Variants in CFAP20DC observed in about 807,000 individuals in gnomAD.
CFAP20DC encodes CFAP20 domain containing, also known as protein CFAP20DC.
CFAP20DC carries 84 observed loss-of-function variants against 101.7 expected under a neutral mutation model. The observed-to-expected ratio is 0.83, with a 90% CI of 0.69 to 0.99. CFAP20DC has a LOEUF of 0.99. Among genes scored for constraint, CFAP20DC ranks in the 50% least tolerant of loss-of-function variants. The pLI is 0.00. For synonymous variants in CFAP20DC, 359 were observed against 351.2 expected (o/e 1.02, Z -0.25); for missense variants, 1,007 against 970.3 (o/e 1.04, Z -0.50).
At position 58,861,853 on chromosome 3, in the gene CFAP20DC, G is replaced by A. The variant is rs1387259018; in HGVS notation, c.1593+1705C>T. 1 of 985,346 alleles carries A rather than the reference G, an allele frequency of 1.0e-6. No homozygotes were observed. Among genetic ancestry groups the A allele is most frequent in the Non-Finnish European group, 1.2e-6 (1 of 829,932 alleles). The allele number at this position is 985,346 out of a possible 1,614,324, so 61.0% of individuals were successfully genotyped here. On this transcript the variant is annotated intron_variant, in intron 12 of 16. Coordinates refer to ENST00000482387, the MANE Select transcript of CFAP20DC (RefSeq NM_001394063.1). The surrounding 1 kb of genome is among the most constrained non-coding windows in gnomAD (Gnocchi z 4.0). ...GGGGTGACCAGATAGCCCTGCCAGT[G>A]AAAGCTTGGGTAATGCATGATAAAT... is the stretch of plus-strand genomic sequence containing the variant.
At chr3:58,764,705 T>G (rs1180277446) in intron 15 of CFAP20DC, among the ~76,000 whole-genome samples, 1 of 152,066 alleles carries the variant, frequency 6.6e-6, no homozygotes. Flanking sequence ...TGACTCTATC[T>G]CCCTGTAATG....
intron 13 of CFAP20DC, among the ~76,000 whole-genome samples, chr3:58,845,388 T>C (rs1284532032): frequency 2.0e-5 from 3 of 152,090 alleles, no homozygotes; most frequent in South Asian, 2.1e-4. Context: ...CAAACAACTC[T>C]ACGCAAATAA....
chr3:58,788,236 G>A lies in CFAP20DC; in HGVS notation c.2237+18159C>T, dbSNP rs2107616503. 6.6e-6 allele frequency among the ~76,000 whole-genome samples: 1 copy of A among 152,168 alleles called. No homozygotes were observed. The highest frequency in any genetic ancestry group is 2.1e-4 in the South Asian group (1 of 4,822). ...CATACAGACAGATTCTGAGCACGCAGTGAGAAAGGGAACCACAGCATGGTT... is the reference window on the plus strand; with the variant it reads ...CATACAGACAGATTCTGAGCACGCAATGAGAAAGGGAACCACAGCATGGTT... On this transcript the variant is annotated intron_variant, in intron 15 of 16. Transcript: ENST00000482387. This position sits in a 1 kb window ranked among gnomAD's most constrained non-coding sequence, Gnocchi z 4.2.
chr3:58,826,139 T>C (rs527889780), intron 14 of CFAP20DC, among the ~76,000 whole-genome samples: 1 of 152,284 alleles, frequency 6.6e-6, no homozygotes, highest in East Asian at 1.9e-4. Context: ...CTATTTGCAA[T>C]CAGGCCCTGC....
In CFAP20DC at chr3:58,813,088, A is replaced by G. The variant is rs78840240; in HGVS notation, c.2176-6632T>C. On this transcript the variant is annotated intron_variant, in intron 14 of 16. Transcript: ENST00000482387. ...ACCACGAATGAGAATTACACATGTA[A>G]ATCTTAGGTCAAGGCAGTCATTTTC... Among the ~76,000 whole-genome samples, 1,499 of 151,986 alleles carry G rather than the reference A, an allele frequency of 9.9e-3. 57 individuals are homozygous for G. Among genetic ancestry groups the G allele is most frequent in the African/African-American group, 0.034 (1,412 of 41,302 alleles).
intron 3 of CFAP20DC, among the ~76,000 whole-genome samples, chr3:58,735,787 G>T (rs1337823848): frequency 1.3e-5 from 2 of 152,110 alleles, no homozygotes; most frequent in Admixed American, 6.5e-5. Flanking sequence ...CATGGAAAAG[G>T]TGATCAAAAA....
rs1226623216 is a variant in CFAP20DC at position 59,002,885 on chromosome 3, CAT to C, written c.278+36670_278+36671del. On this transcript the variant is annotated intron_variant, in intron 4 of 16. Coordinates refer to ENST00000482387, the MANE Select transcript of CFAP20DC (RefSeq NM_001394063.1). This position sits in a 1 kb window ranked among gnomAD's most constrained non-coding sequence, Gnocchi z 4.5. The stretch of plus-strand genomic sequence containing the variant: ...GAGGCATTTTCATTTTCTCCTTTTA[CAT>C]CTAAAGAAACTGAGGCTCCCAGAAA... Among the ~76,000 whole-genome samples the C allele has an allele frequency of 6.6e-6, 1 of 152,202 alleles. No individual in the cohort carries two copies. Among genetic ancestry groups the C allele is most frequent in the African/African-American group, 2.4e-5 (1 of 41,450 alleles).
chr3:58,829,274 T>G (rs2076238283), intron 14 of CFAP20DC, among the ~76,000 whole-genome samples: 1 of 144,248 alleles, frequency 6.9e-6, no homozygotes, highest in African/African-American at 2.6e-5. Flanking sequence ...TGAGCCAAGA[T>G]CGAGCCACTG....
intron 4 of CFAP20DC, among the ~76,000 whole-genome samples, chr3:59,034,475 G>C (rs1383483345): frequency 6.6e-6 from 1 of 152,092 alleles, no homozygotes; most frequent in Non-Finnish European, 1.5e-5. Context: ...ACACACATAG[G>C]CTCAAAATAA....
chr3:58,841,515 T>C (rs2077105566), intron 13 of CFAP20DC, among the ~76,000 whole-genome samples: 1 of 152,268 alleles, frequency 6.6e-6, no homozygotes, highest in South Asian at 2.1e-4. Context: ...TCTACTCCAA[T>C]ACTGAGTTTA....
intron 4 of CFAP20DC, among the ~76,000 whole-genome samples, chr3:59,033,968 C>T (rs750808442): frequency 6.6e-6 from 1 of 152,206 alleles, no homozygotes; most frequent in Non-Finnish European, 1.5e-5. Flanking sequence ...AGATTACCCA[C>T]AAAGGGAAGC....
rs576506140 is a variant in CFAP20DC at position 58,812,838 on chromosome 3, C to A, written c.2176-6382G>T. Reference sequence around the variant, plus strand: ...TTTTAGTGGCCCAGTCATTGGACCTCATAGCATCTATGATGTAATTAAAGT... The same window carrying A: ...TTTTAGTGGCCCAGTCATTGGACCTAATAGCATCTATGATGTAATTAAAGT... On this transcript the variant is annotated intron_variant, in intron 14 of 16. Coordinates refer to ENST00000482387, the MANE Select transcript of CFAP20DC (RefSeq NM_001394063.1). 2.6e-5 allele frequency among the ~76,000 whole-genome samples: 4 copies of A among 151,916 alleles called. No individual in the cohort carries two copies. The South Asian group carries it at 8.3e-4, about 32-fold the overall frequency.
intron 4 of CFAP20DC, among the ~76,000 whole-genome samples, chr3:59,025,938 GA>G (rs897879161): frequency 2.7e-5 from 4 of 149,834 alleles, no homozygotes; most frequent in South Asian, 2.1e-4. Context: ...TAAGAAACAG[GA>G]AAAAAAAACT....
intron 4 of CFAP20DC, among the ~76,000 whole-genome samples, chr3:59,019,705 T>C (rs2093763876): frequency 6.6e-6 from 1 of 152,078 alleles, no homozygotes; most frequent in African/African-American, 2.4e-5. Flanking sequence ...ACTTTCAAAA[T>C]GTACTGAGGA....
chr3:58,716,535 C>G (rs886551284), downstream of CFAP20DC, among the ~76,000 whole-genome samples: 1 of 152,114 alleles, frequency 6.6e-6, no homozygotes, highest in Non-Finnish European at 1.5e-5. Context: ...GTGGCCTGTT[C>G]AAGTATTCAG....
At chr3:58,760,798 G>T (rs1446404499) in intron 15 of CFAP20DC, among the ~76,000 whole-genome samples, 2 of 152,034 alleles carry the variant, frequency 1.3e-5, no homozygotes, top group African/African-American at 4.8e-5. Context: ...ATAATCATGT[G>T]GTTTTTGTCA....
chr3:59,017,563 T>C (rs562836995), intron 4 of CFAP20DC: 67 of 152,286 alleles, frequency 4.4e-4, no homozygotes, highest in African/African-American at 1.5e-3. Context: ...ATCACCGAGC[T>C]GAGGAGAAAC....
intron 16 of CFAP20DC, among the ~76,000 whole-genome samples, chr3:58,746,082 A>AT (rs1038780217): frequency 3.9e-5 from 6 of 152,014 alleles, no homozygotes; most frequent in Admixed American, 6.6e-5. Flanking sequence ...AATCTGTTTG[A>AT]TTTTTTTTAC....
At chr3:58,927,877 G>C (rs1430020308) in intron 5 of CFAP20DC, among the ~76,000 whole-genome samples, 1 of 152,128 alleles carries the variant, frequency 6.6e-6, no homozygotes, top group South Asian at 2.1e-4. Context: ...AGGGCTCTTT[G>C]GGAATAGAGT....
Sources: gnomAD v4.1 joint callset for allele counts (sites outside exome capture counted in the v4.1 genomes callset) on GRCh38, gnomAD v4.1.1 for gene constraint, Gnocchi (gnomAD v3.1) non-coding constraint, MANE v1.5 for transcripts, NCBI Gene and HGNC (gene_info 2026-07-23, HGNC 2026-07-21) for gene names.